CCDC148: variants seen among roughly 807,000 people sequenced by gnomAD.
CCDC148 encodes the protein coiled-coil domain-containing protein 148.
In CCDC148, 89 loss-of-function variants were observed where a neutral mutation model predicts 85.7. That is an observed-to-expected ratio of 1.04 (90% confidence interval 0.87 to 1.24). The LOEUF is 1.24. Ranked by LOEUF, CCDC148 falls within the 50% of genes most tolerant of loss-of-function variation. The probability of loss-of-function intolerance (pLI) is 0.00; values close to 1 mark genes in which losing one functional copy is unlikely to be tolerated. For missense variants in CCDC148, 692 were observed against 671.7 expected, an observed-to-expected ratio of 1.03 and a Z score of -0.33; for synonymous variants, 230 against 213.9, an observed-to-expected ratio of 1.08 and a Z score of -0.66.
intron 9 of CCDC148, among the ~76,000 whole-genome samples, chr2:158,270,941 A>G (rs919929433): frequency 2.0e-5 from 3 of 152,190 alleles, no homozygotes; most frequent in Admixed American, 2.0e-4. Context: ...ACAACATCAT[A>G]GATAAATGCT....
intron 9 of CCDC148, among the ~76,000 whole-genome samples, chr2:158,283,912 G>C (rs1690477724): frequency 6.6e-6 from 1 of 151,830 alleles, no homozygotes; most frequent in African/African-American, 2.4e-5. Context: ...TTAAGAAAAT[G>C]TGGCACATAT....
intron 1 of CCDC148, among the ~76,000 whole-genome samples, chr2:158,452,192 C>G (rs1371742315): frequency 6.6e-6 from 1 of 152,026 alleles, no homozygotes; most frequent in Non-Finnish European, 1.5e-5. Flanking sequence ...TTGACCTATA[C>G]CATCGTAACA....
Position 158,196,700 on chromosome 2 carries a change from C to A in CCDC148, c.1371-17704G>T, listed in dbSNP as rs73966275. Among the ~76,000 whole-genome samples the A allele has an allele frequency of 2.4e-3, 358 of 152,272 alleles. 2 individuals carry two copies. The highest frequency in any genetic ancestry group is 8.0e-3 in the African/African-American group (331 of 41,558). Reference sequence around the variant, plus strand: ...TCACACTGGCCCTCCTTTTTAAAATCTTCAGAAATTCTTTCATATAAATTT... The same window carrying A: ...TCACACTGGCCCTCCTTTTTAAAATATTCAGAAATTCTTTCATATAAATTT... On this transcript the variant is annotated intron_variant, in intron 11 of 13. Coordinates refer to ENST00000283233, the MANE Select transcript of CCDC148 (RefSeq NM_138803.4).
chr2:158,280,984 T>C (rs910354385), intron 9 of CCDC148, among the ~76,000 whole-genome samples: 2 of 152,138 alleles, frequency 1.3e-5, no homozygotes, highest in Non-Finnish European at 2.9e-5. Flanking sequence ...CACTCAAAAC[T>C]GCTCAACTAC....
chr2:158,254,717 T>A (rs530407631), intron 9 of CCDC148, among the ~76,000 whole-genome samples: 1 of 151,638 alleles, frequency 6.6e-6, no homozygotes, highest in South Asian at 2.1e-4. Context: ...GAAAATAAGT[T>A]AGGGTTTTAG....
chr2:158,404,761 G>A (rs937490073), intron 1 of CCDC148, among the ~76,000 whole-genome samples: 9 of 152,100 alleles, frequency 5.9e-5, no homozygotes, highest in East Asian at 1.9e-4. Context: ...TGCATAGTGC[G>A]CCAGAACATT....
At chr2:158,418,481 C>G (rs1686610580) in intron 1 of CCDC148, among the ~76,000 whole-genome samples, 1 of 152,140 alleles carries the variant, frequency 6.6e-6, no homozygotes, top group East Asian at 1.9e-4. Context: ...CCTAGTAACA[C>G]CTTCCTTCTG....
At chr2:158,331,594 G>A (rs1693125916) in intron 7 of CCDC148, among the ~76,000 whole-genome samples, 2 of 143,408 alleles carry the variant, frequency 1.4e-5, no homozygotes, top group African/African-American at 5.8e-5. Context: ...TCTGTCTAAT[G>A]TTGCCATGGG....
intron 10 of CCDC148, among the ~76,000 whole-genome samples, chr2:158,221,635 T>A (rs1003869530): frequency 6.6e-5 from 10 of 152,244 alleles, no homozygotes; most frequent in African/African-American, 2.4e-4. Flanking sequence ...CAGAGGTGAA[T>A]AGGAAAATCT....
intron 11 of CCDC148, among the ~76,000 whole-genome samples, chr2:158,181,550 C>T (rs1382747710): frequency 6.6e-6 from 1 of 152,068 alleles, no homozygotes; most frequent in East Asian, 1.9e-4. Context: ...GGAAAGACAG[C>T]TTTCCCAGAC....
At chr2:158,453,107 T>C (rs1389911782) in intron 1 of CCDC148, among the ~76,000 whole-genome samples, 1 of 152,262 alleles carries the variant, frequency 6.6e-6, no homozygotes, top group East Asian at 1.9e-4. Context: ...AAAGGACTAA[T>C]AAATATTGGC....
intron 3 of CCDC148, among the ~76,000 whole-genome samples, chr2:158,341,201 C>G (rs902005997): frequency 2.0e-5 from 3 of 151,842 alleles, no homozygotes; most frequent in African/African-American, 7.3e-5. Context: ...TATATGTATA[C>G]ATACGTATGT....
chr2:158,415,249 A>G (rs956490651), intron 1 of CCDC148, among the ~76,000 whole-genome samples: 1 of 152,124 alleles, frequency 6.6e-6, no homozygotes, highest in African/African-American at 2.4e-5. Context: ...GACACATTCT[A>G]CATGGCTGGA....
intron 1 of CCDC148, among the ~76,000 whole-genome samples, chr2:158,433,092 A>ATATATATATATC (rs1559141538): frequency 2.4e-4 from 16 of 67,270 alleles, no homozygotes; most frequent in African/African-American, 7.7e-4. Flanking sequence ...AAAAAAAAAA[A>ATATATATATATC]TATATATATA....
chr2:158,256,984 G>C (rs1689039192), intron 9 of CCDC148, among the ~76,000 whole-genome samples: 1 of 151,770 alleles, frequency 6.6e-6, no homozygotes, highest in Non-Finnish European at 1.5e-5. Flanking sequence ...CTGCCAGTCA[G>C]TAAGGGTTCA....
chr2:158,285,617 G>A (rs1355663997), intron 9 of CCDC148, among the ~76,000 whole-genome samples: 14 of 150,904 alleles, frequency 9.3e-5, no homozygotes, highest in African/African-American at 2.9e-4. Flanking sequence ...TGCAAGGTCC[G>A]CCTCCCGGGT....
chr2:158,319,478 T>C (rs746225492), intron 7 of CCDC148, among the ~76,000 whole-genome samples: 3 of 152,196 alleles, frequency 2.0e-5, no homozygotes, highest in African/African-American at 4.8e-5. Context: ...GGAAGGTCCC[T>C]CTCTGCTTCT....
At chr2:158,219,322 G>C (rs1687050522) in intron 11 of CCDC148, among the ~76,000 whole-genome samples, 1 of 152,186 alleles carries the variant, frequency 6.6e-6, no homozygotes, top group Non-Finnish European at 1.5e-5. Context: ...AGCTAAATTA[G>C]ATAACTATGC....
chr2:158,368,048 T>C (rs1684275832), intron 1 of CCDC148, among the ~76,000 whole-genome samples: 1 of 152,124 alleles, frequency 6.6e-6, no homozygotes, highest in East Asian at 1.9e-4. Context: ...CACATTATAA[T>C]ACAAACATCT....
Sources: allele counts gnomAD v4.1 joint callset (sites outside exome capture counted in the v4.1 genomes callset), GRCh38; gene constraint gnomAD v4.1.1; transcripts MANE v1.5; gene names NCBI Gene and HGNC (gene_info 2026-07-23, HGNC 2026-07-21).